Variants in EPHB1 observed in about 807,000 individuals in gnomAD.
EPHB1 encodes the protein ephrin type-B receptor 1.
EPHB1 carries 30 observed loss-of-function variants against 94.4 expected under a neutral mutation model. That is an observed-to-expected ratio of 0.32 (90% CI 0.24 to 0.43). The LOEUF (loss-of-function observed/expected upper bound fraction) is 0.43, where lower values mean the gene tolerates loss of function less well. EPHB1 is among the 20% of genes least tolerant of loss of function. EPHB1 has a pLI of 1.00. For synonymous variants in EPHB1, 522 were observed against 489.1 expected, an observed-to-expected ratio of 1.07 and a Z score of -0.89; for missense variants, 1,055 against 1,308.3, an observed-to-expected ratio of 0.81 and a Z score of 2.99.
chr3:134,890,479 T>C (rs1208548813), intron 1 of EPHB1, among the ~76,000 whole-genome samples: 1 of 152,240 alleles, frequency 6.6e-6, no homozygotes, highest in Non-Finnish European at 1.5e-5. Context: ...ACACTAACAC[T>C]CTTGCATGTA....
At chr3:135,018,594 TAGATACCTTTGAACAAATTTAGC>T (rs1378692260) in intron 3 of EPHB1, among the ~76,000 whole-genome samples, 2 of 152,196 alleles carry the variant, frequency 1.3e-5, no homozygotes, top group Non-Finnish European at 2.9e-5. Context: ...ACATATTTAG[TAGATACCTTTGAACAAATTTAGC>T]AGATACCTTT....
intron 3 of EPHB1, among the ~76,000 whole-genome samples, chr3:135,051,466 C>G (rs1937165920): frequency 6.6e-6 from 1 of 152,164 alleles, no homozygotes; most frequent in African/African-American, 2.4e-5. Flanking sequence ...ATAACTTATT[C>G]CTTGAAGGTT....
intron 3 of EPHB1, among the ~76,000 whole-genome samples, chr3:134,971,219 G>T (rs1205932558): frequency 6.6e-6 from 1 of 152,196 alleles, no homozygotes; most frequent in East Asian, 1.9e-4. Flanking sequence ...GATACAGAGA[G>T]ACCAGAAGAA....
At chr3:135,110,022 C>T (rs1332305861) in intron 4 of EPHB1, among the ~76,000 whole-genome samples, 2 of 152,136 alleles carry the variant, frequency 1.3e-5, no homozygotes, top group African/African-American at 4.8e-5. Context: ...GGCTTGGCTT[C>T]TGTTTTAAAT....
At chr3:134,931,810 T>C (rs2038909161) in intron 2 of EPHB1, among the ~76,000 whole-genome samples, 2 of 152,220 alleles carry the variant, frequency 1.3e-5, no homozygotes, top group Admixed American at 6.5e-5. Flanking sequence ...TGTGTATATA[T>C]GTCTGTATAT....
chr3:134,901,746 C>T (rs2038208822), intron 1 of EPHB1, among the ~76,000 whole-genome samples: 1 of 152,206 alleles, frequency 6.6e-6, no homozygotes, highest in Non-Finnish European at 1.5e-5. Context: ...GAGGGCAATT[C>T]TGGGGAGCTG....
chr3:135,149,920 G>A (rs1941141424), intron 5 of EPHB1, among the ~76,000 whole-genome samples: 1 of 152,148 alleles, frequency 6.6e-6, no homozygotes, highest in Admixed American at 6.5e-5. Flanking sequence ...TCTCTCCATG[G>A]ATTTCACTGT....
At chr3:135,074,409 G>A (rs1937837279) in intron 3 of EPHB1, among the ~76,000 whole-genome samples, 1 of 152,076 alleles carries the variant, frequency 6.6e-6, no homozygotes, top group African/African-American at 2.4e-5. Context: ...TCCAGACTTT[G>A]TAGTCCCAGA....
chr3:134,977,987 TC>T, intron 3 of EPHB1: 1 of 456,092 alleles, frequency 2.2e-6, no homozygotes, highest in Non-Finnish European at 4.4e-6. Flanking sequence ...TTTTGGAGGA[TC>T]CTTAGACAGC....
intron 1 of EPHB1, among the ~76,000 whole-genome samples, chr3:134,864,558 A>G (rs543982308): frequency 3.9e-5 from 6 of 152,272 alleles, no homozygotes; most frequent in Admixed American, 1.3e-4. Context: ...CTATTTCTCT[A>G]CTAAGCCACA....
chr3:135,195,315 A>G (rs1942568541), intron 11 of EPHB1, among the ~76,000 whole-genome samples: 1 of 151,766 alleles, frequency 6.6e-6, no homozygotes, highest in Non-Finnish European at 1.5e-5. Context: ...TGCTCTTCCT[A>G]GGGCCTGTTT....
chr3:135,099,395 T>C (rs1038373262), intron 3 of EPHB1, among the ~76,000 whole-genome samples: 3 of 152,132 alleles, frequency 2.0e-5, no homozygotes, highest in Non-Finnish European at 4.4e-5. Context: ...TTGGGAAATA[T>C]TTCCTTGCCA....
chr3:135,141,238 C>A (rs1248593619), intron 5 of EPHB1, among the ~76,000 whole-genome samples: 1 of 151,864 alleles, frequency 6.6e-6, no homozygotes. Context: ...AGTCATGCCC[C>A]CTAAGAGCGC....
chr3:135,133,287 G>A (rs989426745), intron 5 of EPHB1, among the ~76,000 whole-genome samples: 24 of 152,236 alleles, frequency 1.6e-4, no homozygotes, highest in African/African-American at 4.1e-4. Flanking sequence ...AAAGCAAAGA[G>A]GTATATCCAA....
At chr3:134,896,806 C>T (rs2038094596) in intron 1 of EPHB1, among the ~76,000 whole-genome samples, 1 of 152,250 alleles carries the variant, frequency 6.6e-6, no homozygotes, top group Non-Finnish European at 1.5e-5. Flanking sequence ...TGTATGCCGA[C>T]TGCGGCTATT....
chr3:134,856,602 C>T (rs866240874), intron 1 of EPHB1, among the ~76,000 whole-genome samples: 1 of 152,188 alleles, frequency 6.6e-6, no homozygotes, highest in Non-Finnish European at 1.5e-5. Flanking sequence ...TGGTAGCCAC[C>T]AGCCACATCT....
chr3:134,847,760 A>G (rs140216513), intron 1 of EPHB1, among the ~76,000 whole-genome samples: 57 of 152,288 alleles, frequency 3.7e-4, no homozygotes, highest in Non-Finnish European at 6.6e-4. Flanking sequence ...CAGAAATCGC[A>G]TATGTGGAGT....
intron 9 of EPHB1, among the ~76,000 whole-genome samples, chr3:135,169,315 A>T (rs1941740647): frequency 6.6e-6 from 1 of 152,156 alleles, no homozygotes; most frequent in African/African-American, 2.4e-5. Flanking sequence ...CTCAGGATGG[A>T]TGCAGGGTTT....
chr3:135,190,008 A>C (rs1409846305), intron 10 of EPHB1, among the ~76,000 whole-genome samples: 1 of 152,152 alleles, frequency 6.6e-6, no homozygotes, highest in African/African-American at 2.4e-5. Flanking sequence ...CTGAACTATA[A>C]CTTCATATCT....
Sources: gnomAD v4.1 joint callset for allele counts (sites outside exome capture counted in the v4.1 genomes callset) on GRCh38, gnomAD v4.1.1 for gene constraint, MANE v1.5 for transcripts, NCBI Gene and HGNC (gene_info 2026-07-23, HGNC 2026-07-21) for gene names.